TMPO: variants seen among roughly 807,000 people sequenced by gnomAD.
TMPO encodes the protein LEM domain containing 4.
In TMPO, 22 loss-of-function variants were observed where a neutral mutation model predicts 45.4. That is an observed-to-expected ratio of 0.48 (90% CI 0.35 to 0.69). The LOEUF is 0.69. TMPO is among the 30% of genes least tolerant of loss of function. The probability of loss-of-function intolerance (pLI) is 0.01; values close to 1 mark genes in which losing one functional copy is unlikely to be tolerated. For missense variants in TMPO, 512 were observed against 548.8 expected (o/e 0.93, Z 0.67); for synonymous variants, 241 against 204.1 (o/e 1.18, Z -1.54).
chr12:98,521,629 C>T (rs1435196608), intron 1 of TMPO, among the ~76,000 whole-genome samples: 1 of 152,138 alleles, frequency 6.6e-6, no homozygotes, highest in East Asian at 1.9e-4. Context: ...TAAACATTTA[C>T]AGAGTTGGCA....
At chr12:98,532,898 C>T (rs1877295622) in intron 3 of TMPO, 2 of 1,614,058 alleles carry the variant, frequency 1.2e-6, no homozygotes, top group African/African-American at 1.3e-5. Flanking sequence ...ACTACTCCCT[C>T]TGGTGGTGGA....
intron 6 of TMPO, 48 bp from the exon 7 acceptor site, chr12:98,544,903 G>A (rs537526059): frequency 7.7e-5 from 102 of 1,320,840 alleles, no homozygotes; most frequent in Non-Finnish European, 7.9e-5. Context: ...TTAAGTGTCT[G>A]TGTTATGTTT....
In TMPO at chr12:98,515,848, G is replaced by A. The variant is rs748193043; in HGVS notation, c.-20G>A. The A allele has an allele frequency of 3.4e-5, 55 of 1,605,158 alleles. No individual in the cohort carries two copies. Among genetic ancestry groups the A allele is most frequent in the Admixed American group, 1.0e-4 (6 of 59,024 alleles). ...GGCGGCGGCAAAGGCTGTGGGGAGG[G>A]GGCTTCGCAGATCCCCGAGATGCCG... On this transcript the variant is annotated 5_prime_UTR_variant, in exon 1 of 9. Transcript: ENST00000556029.
chr12:98,532,165 G>T (rs1877239014), intron 3 of TMPO: 4 of 220,930 alleles, frequency 1.8e-5, no homozygotes, highest in Non-Finnish European at 3.6e-5. Context: ...CTCCACAGAA[G>T]TAACTACTAT....
chr12:98,531,997 T>C, intron 3 of TMPO, 159 bp downstream of exon 3: 2 of 641,858 alleles, frequency 3.1e-6, no homozygotes. Flanking sequence ...ATACTTTTTA[T>C]TGAAAATTCT....
At chr12:98,525,946 T>A (rs1045220775) in intron 1 of TMPO, among the ~76,000 whole-genome samples, 8 of 152,154 alleles carry the variant, frequency 5.3e-5, no homozygotes, top group Admixed American at 5.2e-4. Context: ...TAATTAGCCA[T>A]TTTTTTGTTC....
Position 98,549,557 on chromosome 12 carries a change from A to C in TMPO, c.*1699A>C, listed in dbSNP as rs1452995207. The C allele has an allele frequency of 7.2e-6, 1 of 139,164 alleles. No individual in the cohort carries two copies. Among genetic ancestry groups the C allele is most frequent in the Non-Finnish European group, 1.6e-5 (1 of 62,992 alleles). 8.6% of individuals were successfully genotyped at this position (139,164 alleles called of 1,614,324 possible). A position where few individuals can be genotyped will look rare whatever the true frequency, so the allele number is the denominator to read the frequency against. On this transcript the variant is annotated 3_prime_UTR_variant, in exon 9 of 9. Coordinates refer to ENST00000556029, the MANE Select transcript of TMPO (RefSeq NM_001032283.3). ...ACCTCATGAATAACTTGATTAAAGT[A>C]GTAGGTGATTAAAATTTCAATAGAA...
rs1480211059 is a variant in TMPO at position 98,537,562 on chromosome 12, A to C, written c.653A>C (p.Glu218Ala). 1 of 1,612,246 alleles carries C rather than the reference A, an allele frequency of 6.2e-7. No homozygotes were observed. Among genetic ancestry groups the C allele is most frequent in the Non-Finnish European group, 8.5e-7 (1 of 1,178,698 alleles). The change falls in exon 4 of 9, where the codon GAG becomes GCG. Residue 218 changes from glutamate to alanine, a missense_variant. By Grantham distance (107) the Glu-to-Ala change is moderately radical. This residue lies in a region of TMPO where 299 missense variants were observed against 296.7 expected (regional missense o/e 1.01). Transcript: ENST00000556029. Reference protein sequence around the residue: ...TPVTLKQRRVEHNQSYSQAGI... With the variant: ...TPVTLKQRRVAHNQSYSQAGI... ...GTAACACTCAAGCAAAGAAGAGTTG[A>C]GCACAATCAGGTATCTTTAGTTTTA...
At chr12:98,543,567 T>C (rs560654025) in intron 4 of TMPO, among the ~76,000 whole-genome samples, 1 of 152,342 alleles carries the variant, frequency 6.6e-6, no homozygotes, top group Non-Finnish European at 1.5e-5. Flanking sequence ...GGCAGCTGTT[T>C]TCTGTCTTTC....
In TMPO at chr12:98,544,636, ATG is replaced by A. The variant is rs1491311335; in HGVS notation, c.879+101_879+102del. 6.5e-6 allele frequency: 6 copies of A among 920,520 alleles called. No individual in the cohort carries two copies. The African/African-American group carries it at 9.0e-5, about 14-fold the overall frequency. 57.0% of individuals were successfully genotyped at this position (920,520 alleles called of 1,614,324 possible). A position where few individuals can be genotyped will look rare whatever the true frequency, so the allele number is the denominator to read the frequency against. The stretch of plus-strand genomic sequence containing the variant: ...GAATTTTGGCAAATCTCAAATTTAC[ATG>A]TTTTTTTTTTTTAACAATTTTAAAC... On this transcript the variant is annotated intron_variant, in intron 6 of 8. Coordinates refer to ENST00000556029, the MANE Select transcript of TMPO (RefSeq NM_001032283.3).
intron 8 of TMPO, among the ~76,000 whole-genome samples, chr12:98,546,960 C>G (rs1413253985): frequency 2.6e-5 from 4 of 152,040 alleles, no homozygotes; most frequent in Non-Finnish European, 5.9e-5. Context: ...ACAGCCAAAA[C>G]TGTTTTGTTT....
chr12:98,531,299 C>T (rs115059151), intron 2 of TMPO, among the ~76,000 whole-genome samples: 1,717 of 142,092 alleles, frequency 0.012, 32 homozygotes, highest in African/African-American at 0.042. Flanking sequence ...GACAGTGGTG[C>T]GATCTCAGCT....
In TMPO at chr12:98,535,194, T is replaced by TA. The variant is rs1877495737; in HGVS notation, c.566-2275dup. The TA allele has an allele frequency of 4.1e-6, 4 of 984,734 alleles. No individual in the cohort carries two copies. The South Asian group carries it at 1.4e-4, about 35-fold the overall frequency. The allele number at this position is 984,734 out of a possible 1,614,324, so 61.0% of individuals were successfully genotyped here. The stretch of plus-strand genomic sequence containing the variant: ...TATTTTGTCAGATAATGGGGCCTTT[T>TA]AAAAAATAATACTTTGCTTTCATGA... On this transcript the variant is annotated intron_variant, in intron 3 of 8. Coordinates refer to ENST00000556029, the MANE Select transcript of TMPO (RefSeq NM_001032283.3).
At chr12:98,545,682 A>G (rs1359363695) in intron 7 of TMPO, among the ~76,000 whole-genome samples, 1 of 152,164 alleles carries the variant, frequency 6.6e-6, no homozygotes, top group East Asian at 1.9e-4. Context: ...CATGTTAAGT[A>G]TCTTCTGTAT....
In TMPO at chr12:98,515,747, T is replaced by A; in HGVS notation, c.-121T>A. The A allele has an allele frequency of 6.5e-7, 1 of 1,538,220 alleles. No homozygotes were observed. The highest frequency in any genetic ancestry group is 8.8e-7 in the Non-Finnish European group (1 of 1,141,916). ...GAGTTTTTGTTCCGCTCCGCAGCGC[T>A]CTTCCCGGGCAGGAGCCGTGAGGCT... On this transcript the variant is annotated 5_prime_UTR_variant, in exon 1 of 9. Coordinates refer to ENST00000556029, the MANE Select transcript of TMPO (RefSeq NM_001032283.3).
At position 98,544,499 on chromosome 12, in the gene TMPO, A is replaced by G. The variant is rs1264362748; in HGVS notation, c.841A>G (p.Ile281Val). The G allele has an allele frequency of 1.2e-6, 2 of 1,613,798 alleles. No individual in the cohort carries two copies. Among genetic ancestry groups the G allele is most frequent in the African/African-American group, 1.3e-5 (1 of 74,942 alleles). Residue 281 changes from isoleucine to valine, a missense_variant, in exon 6 of 9, where the codon ATA becomes GTA. By Grantham distance (29) the Ile-to-Val change is conservative. This residue lies in a region of TMPO where 209 missense variants were observed against 235.1 expected (regional missense o/e 0.89). Coordinates refer to ENST00000556029, the MANE Select transcript of TMPO (RefSeq NM_001032283.3). ...TCCAGTAATTTCAGAGAGTACTCCCATAGCTGAAACTATAATGGCTTCAAG... is the reference window on the plus strand; with the variant it reads ...TCCAGTAATTTCAGAGAGTACTCCCGTAGCTGAAACTATAATGGCTTCAAG... ...DGPVISESTPIAETIMASSNE... is the reference protein window; with the variant it reads ...DGPVISESTPVAETIMASSNE...
chr12:98,542,245 A>G (rs1270450489), intron 4 of TMPO, among the ~76,000 whole-genome samples: 1 of 152,212 alleles, frequency 6.6e-6, no homozygotes, highest in East Asian at 1.9e-4. Context: ...GTTTGAAAGT[A>G]CTGTTCTCAA....
rs73384409 is a variant in TMPO, at chr12:98,532,586, T to C, written c.565+748T>C. On this transcript the variant is annotated intron_variant, in intron 3 of 8. Transcript: ENST00000556029. Reference sequence around the variant, plus strand: ...TGAAATAAATGTCCTTTAAAAATTATAAATACAACTTGATTTTTGTAAACT... The same window carrying C: ...TGAAATAAATGTCCTTTAAAAATTACAAATACAACTTGATTTTTGTAAACT... 0.12 allele frequency among the ~76,000 whole-genome samples: 18,140 copies of C among 152,286 alleles called. 1,699 individuals are homozygous for C. Among genetic ancestry groups the C allele is most frequent in the African/African-American group, 0.26 (10,743 of 41,534 alleles).
At chr12:98,540,052 T>C (rs1877819741) in intron 4 of TMPO, among the ~76,000 whole-genome samples, 1 of 152,248 alleles carries the variant, frequency 6.6e-6, no homozygotes, top group African/African-American at 2.4e-5. Flanking sequence ...GTTTGATTTT[T>C]GGTTGTTTTA....
Sources: allele counts gnomAD v4.1 joint callset (sites outside exome capture counted in the v4.1 genomes callset), GRCh38; gene constraint gnomAD v4.1.1; regional missense constraint gnomAD v4.1.1; transcripts MANE v1.5; gene names NCBI Gene and HGNC (gene_info 2026-07-23, HGNC 2026-07-21).